NMBR: variants seen among roughly 807,000 people sequenced by gnomAD.
NMBR encodes the protein neuromedin B receptor, also known as neuromedin-B receptor.
NMBR carries 16 observed loss-of-function variants against 20.5 expected under a neutral mutation model. That is an observed-to-expected ratio of 0.78 (90% CI 0.53 to 1.19). The LOEUF is 1.19. NMBR is among the 50% of genes most tolerant of loss of function. The probability of loss-of-function intolerance (pLI) is 0.00; values close to 1 mark genes in which losing one functional copy is unlikely to be tolerated. For missense variants in NMBR, 582 were observed against 499.1 expected (o/e 1.17, Z -1.58); for synonymous variants, 212 against 196.6 (o/e 1.08, Z -0.65).
chr6:142,134,309 C>T (rs1205371909), intron 1 of NMBR, among the ~76,000 whole-genome samples: 1 of 152,110 alleles, frequency 6.6e-6, no homozygotes, highest in Non-Finnish European at 1.5e-5. Flanking sequence ...ACTACTTCAT[C>T]ATTATCAGTC....
intron 1 of NMBR, among the ~76,000 whole-genome samples, chr6:142,141,706 A>G (rs974228542): frequency 1.3e-5 from 2 of 152,054 alleles, no homozygotes; most frequent in Non-Finnish European, 2.9e-5. Context: ...GGGTTTCACC[A>G]TGTTGGCCAG....
At chr6:142,124,030 G>A (rs1777990786) in intron 1 of NMBR, among the ~76,000 whole-genome samples, 2 of 151,784 alleles carry the variant, frequency 1.3e-5, no homozygotes, top group African/African-American at 4.8e-5. Context: ...ATATAGAGAG[G>A]ATCAGTTACC....
intron 2 of NMBR, among the ~76,000 whole-genome samples, chr6:142,079,390 A>G (rs569994805): frequency 5.9e-5 from 9 of 152,278 alleles, no homozygotes; most frequent in African/African-American, 2.2e-4. Context: ...CAGAAAACAA[A>G]AAGAGAGAGA....
intron 1 of NMBR, among the ~76,000 whole-genome samples, chr6:142,139,938 T>C (rs1273759768): frequency 1.3e-5 from 2 of 152,194 alleles, no homozygotes; most frequent in African/African-American, 2.4e-5. Context: ...TTTAAAAGCA[T>C]TTCATAAAAA....
At chr6:142,108,249 GACAAAC>G (rs1777694639) in intron 1 of NMBR, among the ~76,000 whole-genome samples, 1 of 151,776 alleles carries the variant, frequency 6.6e-6, no homozygotes. Flanking sequence ...TTCCAAATAG[GACAAAC>G]ACAAAGAAAC....
In NMBR at chr6:142,147,077, G is replaced by A; in HGVS notation, c.-697C>T. 3 of 570,090 alleles carry A rather than the reference G, an allele frequency of 5.3e-6. No individual in the cohort carries two copies. The highest frequency in any genetic ancestry group is 2.3e-5 in the South Asian group (1 of 44,214). The allele number at this position is 570,090 out of a possible 1,614,324, so 35.3% of individuals were successfully genotyped here. On this transcript the variant is annotated 5_prime_UTR_variant, in exon 1 of 4. Coordinates refer to ENST00000258042, the MANE Select transcript of NMBR (RefSeq NM_002511.4). Reference sequence around the variant, plus strand: ...AGCGCTAGCGCCATGCGCGGCATAAGCGCCAAAATGCTCGGGTCTTCTGTG... The same window carrying A: ...AGCGCTAGCGCCATGCGCGGCATAAACGCCAAAATGCTCGGGTCTTCTGTG...
chr6:142,136,511 T>C (rs1778259175), intron 1 of NMBR, among the ~76,000 whole-genome samples: 1 of 152,210 alleles, frequency 6.6e-6, no homozygotes, highest in South Asian at 2.1e-4. Flanking sequence ...TAGATCCCAT[T>C]TGTCAATTTT....
chr6:142,144,399 G>C (rs1778399135), intron 1 of NMBR, among the ~76,000 whole-genome samples: 1 of 152,140 alleles, frequency 6.6e-6, no homozygotes, highest in African/African-American at 2.4e-5. Context: ...TGTGTATGTA[G>C]GGTATGGTGT....
At chr6:142,104,011 C>T (rs117429694) in intron 1 of NMBR, among the ~76,000 whole-genome samples, 1 of 152,236 alleles carries the variant, frequency 6.6e-6, no homozygotes, top group East Asian at 1.9e-4. Context: ...GCTTGTAAAG[C>T]TTTCAGAAAC....
chr6:142,088,921 A>C lies in NMBR; in HGVS notation c.-263T>G. 6 of 382,276 alleles carry C rather than the reference A, an allele frequency of 1.6e-5. No homozygotes were observed. The highest frequency in any genetic ancestry group is 1.4e-5 in the Non-Finnish European group (3 of 210,086). 23.7% of individuals were successfully genotyped at this position (382,276 alleles called of 1,614,324 possible). ...TTAAATTAAAAAAAAAAAAAAAGCA[A>C]AGCGGTTGCGTCTTTGTTCCGTATT... On this transcript the variant is annotated 5_prime_UTR_variant, in exon 2 of 4. Coordinates refer to ENST00000258042, the MANE Select transcript of NMBR (RefSeq NM_002511.4).
At chr6:142,093,580 CTT>C (rs1777380158) in intron 1 of NMBR, among the ~76,000 whole-genome samples, 1 of 152,108 alleles carries the variant, frequency 6.6e-6, no homozygotes, top group Non-Finnish European at 1.5e-5. Flanking sequence ...GGTTCCAAGT[CTT>C]TGCCATTGTG....
chr6:142,125,878 T>C (rs117967982), intron 1 of NMBR, among the ~76,000 whole-genome samples: 6,385 of 151,690 alleles, frequency 0.042, 220 homozygotes, highest in Middle Eastern at 0.18. Flanking sequence ...TACCTGTGTG[T>C]GTGTGTGTGA....
intron 2 of NMBR, among the ~76,000 whole-genome samples, chr6:142,087,934 G>C (rs947172938): frequency 6.6e-6 from 1 of 152,148 alleles, no homozygotes. Flanking sequence ...TTATTCTATA[G>C]CTTTTCTATG....
intron 1 of NMBR, among the ~76,000 whole-genome samples, chr6:142,109,808 T>C (rs1190842308): frequency 6.6e-6 from 1 of 152,196 alleles, no homozygotes; most frequent in East Asian, 1.9e-4. Flanking sequence ...AGAAACCTTA[T>C]GAATGGGATT....
chr6:142,117,506 CA>C (rs1258060172), intron 1 of NMBR, among the ~76,000 whole-genome samples: 2 of 151,872 alleles, frequency 1.3e-5, no homozygotes, highest in African/African-American at 4.8e-5. Context: ...AATCAGCTTT[CA>C]AAAGCTAAAT....
At chr6:142,135,406 A>T (rs1024102995) in intron 1 of NMBR, among the ~76,000 whole-genome samples, 1 of 152,178 alleles carries the variant, frequency 6.6e-6, no homozygotes, top group African/African-American at 2.4e-5. Context: ...GAAATTAATT[A>T]TTAAAGAGTA....
intron 2 of NMBR, among the ~76,000 whole-genome samples, chr6:142,081,979 G>T (rs1212753724): frequency 2.0e-5 from 3 of 151,914 alleles, no homozygotes; most frequent in African/African-American, 7.3e-5. Flanking sequence ...TTCTTATTTT[G>T]GATCTCGCTT....
intron 1 of NMBR, among the ~76,000 whole-genome samples, chr6:142,144,721 C>T (rs1778403462): frequency 6.6e-6 from 1 of 152,110 alleles, no homozygotes; most frequent in Non-Finnish European, 1.5e-5. Context: ...GTACTGTTCT[C>T]CATCAAATCA....
intron 2 of NMBR, among the ~76,000 whole-genome samples, chr6:142,084,786 G>C (rs1025400215): frequency 6.6e-6 from 1 of 152,144 alleles, no homozygotes; most frequent in Non-Finnish European, 1.5e-5. Context: ...CTCATATACA[G>C]AGAAAGAGAT....
Sources: gnomAD v4.1 joint callset for allele counts (sites outside exome capture counted in the v4.1 genomes callset) on GRCh38, gnomAD v4.1.1 for gene constraint, MANE v1.5 for transcripts, NCBI Gene and HGNC (gene_info 2026-07-23, HGNC 2026-07-21) for gene names.